Variants in SUMF1 observed in about 807,000 individuals in gnomAD.
SUMF1 encodes sulfatase modifying factor 1.
A neutral mutation model predicts 47.6 loss-of-function variants in SUMF1; 48 were observed. The ratio of observed to expected loss-of-function variants is 1.01; its 90% CI spans 0.80 to 1.28. SUMF1 has a LOEUF of 1.28. Ranked by LOEUF, SUMF1 falls within the 50% of genes most tolerant of loss-of-function variation. The pLI is 0.00. For synonymous variants in SUMF1, 230 were observed against 192.1 expected (o/e 1.20, Z -1.63); for missense variants, 571 against 485.4 (o/e 1.18, Z -1.66).
intron 8 of SUMF1, among the ~76,000 whole-genome samples, chr3:4,156,666 A>G (rs1288492801): frequency 2.6e-5 from 4 of 151,594 alleles, no homozygotes. Context: ...TGTATTTTGT[A>G]TTTGCACTCT....
chr3:4,295,862 G>T (rs368135539), intron 8 of SUMF1, among the ~76,000 whole-genome samples: 34 of 152,074 alleles, frequency 2.2e-4, no homozygotes, highest in African/African-American at 8.0e-4. Flanking sequence ...TTATCTTTAT[G>T]TTTTTTATCA....
At chr3:4,101,455 A>G (rs1693030616) in intron 8 of SUMF1, among the ~76,000 whole-genome samples, 1 of 152,096 alleles carries the variant, frequency 6.6e-6, no homozygotes, top group Admixed American at 6.5e-5. Context: ...AATTTATAGA[A>G]GTAGAGAGTA....
chr3:4,290,398 G>A (rs544841299), intron 8 of SUMF1, among the ~76,000 whole-genome samples: 10 of 152,228 alleles, frequency 6.6e-5, no homozygotes, highest in African/African-American at 2.4e-4. Context: ...AAAACTTCTT[G>A]TCCAGTTTAT....
Position 4,295,299 on chromosome 3 carries a change from G to A in SUMF1, c.1014+81031C>T, listed in dbSNP as rs1322956951. ...GTCTCTAAGAAGGATTCCAGTCTCA[G>A]ATGATATTTGGTGGTATCCAGCGAA... On this transcript the variant is annotated intron_variant and NMD_transcript_variant, in intron 8 of 12. Coordinates refer to the SUMF1 transcript ENST00000448413. Among the ~76,000 whole-genome samples the A allele has an allele frequency of 2.6e-5, 4 of 152,022 alleles. No homozygotes were observed. In the South Asian group the frequency reaches 6.2e-4, roughly 24 times the overall value.
intron 8 of SUMF1, among the ~76,000 whole-genome samples, chr3:4,227,848 C>T (rs1351324081): frequency 2.0e-5 from 3 of 152,142 alleles, no homozygotes; most frequent in East Asian, 3.9e-4. Flanking sequence ...GGAGCCAACA[C>T]ATTCCTTTTT....
rs1206124938 is a variant in SUMF1, at chr3:4,047,753, C to G, written c.1191+20816G>C. 2.0e-5 allele frequency among the ~76,000 whole-genome samples: 3 copies of G among 152,066 alleles called. 1 individual carries two copies. The highest frequency in any genetic ancestry group is 2.0e-4 in the Admixed American group (3 of 15,264). On this transcript the variant is annotated intron_variant and NMD_transcript_variant, in intron 9 of 12. Transcript: ENST00000448413. ...CATGCTGTACTCAATGACATCACCC[C>G]CTTGCAGTCAGACAATGCACTGGGA...
intron 8 of SUMF1, among the ~76,000 whole-genome samples, chr3:4,223,074 TTTA>T (rs1696101660): frequency 6.6e-6 from 1 of 152,156 alleles, no homozygotes; most frequent in Non-Finnish European, 1.5e-5. Context: ...CTGCAAGATA[TTTA>T]TGAATTGATG....
Position 4,146,990 on chromosome 3 carries a change from C to G in SUMF1, c.1015-78245G>C, listed in dbSNP as rs949137193. ...TTTGCTATTGTGAATACAAACAACC[C>G]CATCAAAAAGTGGGCGAAGGATATG... On this transcript the variant is annotated intron_variant and NMD_transcript_variant, in intron 8 of 12. Transcript: ENST00000448413. Among the ~76,000 whole-genome samples the G allele has an allele frequency of 1.3e-5, 2 of 151,958 alleles. 1 individual carries two copies. The highest frequency in any genetic ancestry group is 2.9e-5 in the Non-Finnish European group (2 of 68,004).
intron 8 of SUMF1, among the ~76,000 whole-genome samples, chr3:4,285,870 CA>C (rs1386346350): frequency 6.6e-6 from 1 of 151,768 alleles, no homozygotes; most frequent in Admixed American, 6.6e-5. Flanking sequence ...ATGCAATAAG[CA>C]AAAAAAGTTA....
intron 8 of SUMF1, among the ~76,000 whole-genome samples, chr3:4,187,806 G>A (rs1298248243): frequency 6.6e-6 from 1 of 152,074 alleles, no homozygotes; most frequent in African/African-American, 2.4e-5. Context: ...TAAGCTGATG[G>A]TTTGTCTTAA....
intron 8 of SUMF1, among the ~76,000 whole-genome samples, chr3:4,162,750 T>G (rs1694607345): frequency 6.6e-6 from 1 of 152,128 alleles, no homozygotes. Flanking sequence ...CCTCTTTCAG[T>G]GATATGAAGT....
At chr3:4,379,564 C>T (rs1239010835) in intron 7 of SUMF1, among the ~76,000 whole-genome samples, 1 of 152,196 alleles carries the variant, frequency 6.6e-6, no homozygotes, top group East Asian at 1.9e-4. Flanking sequence ...TCTGTTGTTT[C>T]AAGACACTAA....
chr3:4,321,187 A>T (rs1374277503), intron 8 of SUMF1, among the ~76,000 whole-genome samples: 1 of 152,154 alleles, frequency 6.6e-6, no homozygotes, highest in African/African-American at 2.4e-5. Flanking sequence ...TTAGCTTAGT[A>T]TAGATACAGA....
At chr3:4,277,759 T>C (rs1697448121) in intron 8 of SUMF1, among the ~76,000 whole-genome samples, 1 of 152,118 alleles carries the variant, frequency 6.6e-6, no homozygotes, top group Non-Finnish European at 1.5e-5. Context: ...CTATCAGCAG[T>C]GTTAGAGTAC....
At chr3:4,139,270 C>T (rs943253991) in intron 8 of SUMF1, among the ~76,000 whole-genome samples, 3 of 151,854 alleles carry the variant, frequency 2.0e-5, no homozygotes, top group Non-Finnish European at 2.9e-5. Context: ...CTCACTGTTT[C>T]AGTTTCGTAT....
chr3:4,216,520 C>G (rs116534106), intron 8 of SUMF1, among the ~76,000 whole-genome samples: 4,344 of 152,164 alleles, frequency 0.029, 94 homozygotes, highest in African/African-American at 0.051. Flanking sequence ...GCAATGGCGA[C>G]AAAAGCCAAA....
At chr3:4,353,540 C>T (rs1699553684) in intron 8 of SUMF1, among the ~76,000 whole-genome samples, 1 of 152,252 alleles carries the variant, frequency 6.6e-6, no homozygotes, top group African/African-American at 2.4e-5. Context: ...GCGTGAGTCA[C>T]TGCGCCCGGC....
At chr3:4,237,457 GC>G (rs1281318129) in intron 8 of SUMF1, among the ~76,000 whole-genome samples, 1 of 151,870 alleles carries the variant, frequency 6.6e-6, no homozygotes, top group African/African-American at 2.4e-5. Flanking sequence ...CAGATCTTTT[GC>G]CCATTTTTTA....
intron 8 of SUMF1, among the ~76,000 whole-genome samples, chr3:4,328,513 GA>G (rs1348805079): frequency 6.6e-6 from 1 of 152,162 alleles, no homozygotes; most frequent in Admixed American, 6.5e-5. Context: ...GCAGGCAAGA[GA>G]ACTTGTGCAA....
Sources: gnomAD v4.1 joint callset for allele counts (sites outside exome capture counted in the v4.1 genomes callset) on GRCh38, gnomAD v4.1.1 for gene constraint, MANE v1.5 for transcripts, NCBI Gene and HGNC (gene_info 2026-07-23, HGNC 2026-07-21) for gene names.